CCDC7: variants seen among roughly 807,000 people sequenced by gnomAD.
CCDC7 encodes coiled-coil domain containing 7.
Under a neutral mutation model 196.9 loss-of-function variants are expected in CCDC7, and 183 were observed. The ratio of observed to expected loss-of-function variants is 0.93; its 90% CI spans 0.82 to 1.05. The LOEUF (loss-of-function observed/expected upper bound fraction) is 1.05. Ranked by LOEUF, CCDC7 falls within the 50% of genes least tolerant of loss-of-function variation. CCDC7 has a pLI of 0.00. For missense variants in CCDC7, 1,540 were observed against 1,482.2 expected (o/e 1.04, Z -0.64); for synonymous variants, 525 against 484.6 (o/e 1.08, Z -1.10).
chr10:32,558,676 A>G (rs1385338059), intron 13 of CCDC7, among the ~76,000 whole-genome samples: 1 of 152,122 alleles, frequency 6.6e-6, no homozygotes, highest in Non-Finnish European at 1.5e-5. Flanking sequence ...GAATTTACCT[A>G]TGAGGGAGCA....
chr10:32,851,725 G>A, intron 39 of CCDC7, 82 bp from the exon 41 acceptor site: 1 of 1,262,854 alleles, frequency 7.9e-7, no homozygotes, highest in Non-Finnish European at 1.1e-6. Context: ...TTGATGTTGT[G>A]TGCATATATA....
At chr10:32,882,014 A>G (rs1360431115), downstream of CCDC7, among the ~76,000 whole-genome samples, 5 of 152,178 alleles carry the variant, frequency 3.3e-5, no homozygotes, top group South Asian at 4.1e-4. Flanking sequence ...CAATGAGTTT[A>G]ACCTCTAGCA....
At chr10:32,611,830 G>A (rs1478603145) in intron 18 of CCDC7, among the ~76,000 whole-genome samples, 1 of 152,182 alleles carries the variant, frequency 6.6e-6, no homozygotes, top group Non-Finnish European at 1.5e-5. Flanking sequence ...TAGCCTTGTA[G>A]TATAATTTGA....
At chr10:32,831,424 C>G (rs1364551839) in intron 32 of CCDC7, among the ~76,000 whole-genome samples, 2 of 152,078 alleles carry the variant, frequency 1.3e-5, no homozygotes, top group African/African-American at 2.4e-5. Context: ...TTTTAAAAAT[C>G]TTTCCTTAAA....
chr10:32,534,522 G>A (rs949318958), intron 11 of CCDC7, among the ~76,000 whole-genome samples: 4 of 151,552 alleles, frequency 2.6e-5, no homozygotes, highest in South Asian at 2.1e-4. Flanking sequence ...CCATTTTCTC[G>A]TTCTGGAAAA....
intron 29 of CCDC7, among the ~76,000 whole-genome samples, chr10:32,798,511 C>T (rs565324308): frequency 2.6e-5 from 4 of 152,334 alleles, no homozygotes; most frequent in Admixed American, 6.5e-5. Context: ...TGAGGTCACC[C>T]GTTGGTGAGC....
At chr10:32,484,930 G>A (rs942138473) in intron 8 of CCDC7, among the ~76,000 whole-genome samples, 2 of 152,206 alleles carry the variant, frequency 1.3e-5, no homozygotes, top group African/African-American at 4.8e-5. Context: ...TTGCATCGAT[G>A]TTCATCAGGG....
intron 5 of CCDC7, among the ~76,000 whole-genome samples, chr10:32,467,105 A>AC (rs2036958037): frequency 7.3e-6 from 1 of 137,116 alleles, no homozygotes; most frequent in African/African-American, 2.6e-5. Flanking sequence ...TCCTTTGTCC[A>AC]CTTTTTTTTT....
At chr10:32,575,598 G>C (rs113563655) in intron 16 of CCDC7, among the ~76,000 whole-genome samples, 1,696 of 152,308 alleles carry the variant, frequency 0.011, 22 homozygotes, top group Non-Finnish European at 0.015. Context: ...GTATCACTGA[G>C]AGCTTCCTGG....
intron 13 of CCDC7, among the ~76,000 whole-genome samples, chr10:32,545,763 G>A (rs1469607314): frequency 1.3e-5 from 2 of 151,996 alleles, no homozygotes; most frequent in African/African-American, 4.8e-5. Context: ...AAAATTAGCT[G>A]GGCATGGTGG....
chr10:32,815,580 A>G (rs1189630466), intron 31 of CCDC7, among the ~76,000 whole-genome samples: 2 of 152,234 alleles, frequency 1.3e-5, no homozygotes, highest in African/African-American at 4.8e-5. Context: ...AAGAAAAAAT[A>G]TTTGAAGAAA....
At chr10:32,639,907 G>A (rs1047484682) in intron 20 of CCDC7, among the ~76,000 whole-genome samples, 3 of 152,128 alleles carry the variant, frequency 2.0e-5, no homozygotes, top group South Asian at 4.1e-4. Flanking sequence ...GTGAGCCACT[G>A]CACCCGACCA....
chr10:32,638,536 TG>T (rs1410099389), intron 20 of CCDC7, among the ~76,000 whole-genome samples: 1 of 152,212 alleles, frequency 6.6e-6, no homozygotes, highest in Non-Finnish European at 1.5e-5. Flanking sequence ...TTACATTTAT[TG>T]ATTTGTGTAT....
chr10:32,445,065 G>A (rs1463149140), upstream of CCDC7, among the ~76,000 whole-genome samples: 1 of 152,110 alleles, frequency 6.6e-6, no homozygotes, highest in Admixed American at 6.6e-5. Context: ...TGTTGGCCAG[G>A]CTAGTCTCGA....
chr10:32,543,343 C>A (rs1438703360), exon 12 of CCDC7: 1 of 1,458,330 alleles, frequency 6.9e-7, no homozygotes, highest in Middle Eastern at 1.8e-4. Flanking sequence ...GCTGTGAAAA[C>A]AGTGAAGAAA....
Position 32,630,664 on chromosome 10 carries a change from C to T in CCDC7, c.1802-3590C>T, listed in dbSNP as rs557233297. ...GAACTTAATCTGCACTATAAATTGG[C>T]CTAGTAGATATTTAAAGAATATTTT... On this transcript the variant is annotated intron_variant, in intron 18 of 41. Transcript: ENST00000639629. Among the ~76,000 whole-genome samples, 3 of 152,144 alleles carry T rather than the reference C, an allele frequency of 2.0e-5. 1 individual carries two copies. In the South Asian group the frequency reaches 6.2e-4, roughly 32 times the overall value.
At chr10:32,591,976 T>A (rs191540359) in intron 18 of CCDC7, among the ~76,000 whole-genome samples, 1 of 152,140 alleles carries the variant, frequency 6.6e-6, no homozygotes, top group African/African-American at 2.4e-5. Flanking sequence ...GTGTAGATAG[T>A]TGTTAAATTT....
intron 11 of CCDC7, among the ~76,000 whole-genome samples, chr10:32,538,820 C>A (rs545789661): frequency 2.7e-4 from 41 of 152,140 alleles, no homozygotes; most frequent in African/African-American, 9.2e-4. Context: ...ACTTTGCATC[C>A]CAGGGATAGA....
chr10:32,603,517 A>G (rs2061277956), intron 18 of CCDC7, among the ~76,000 whole-genome samples: 1 of 146,618 alleles, frequency 6.8e-6, no homozygotes, highest in South Asian at 2.3e-4. Flanking sequence ...TTTTTGAGAA[A>G]CCTCTATAAT....
Sources: allele counts gnomAD v4.1 joint callset (sites outside exome capture counted in the v4.1 genomes callset), GRCh38; gene constraint gnomAD v4.1.1; transcripts MANE v1.5; gene names NCBI Gene and HGNC (gene_info 2026-07-23, HGNC 2026-07-21).